INSR: variants seen among roughly 807,000 people sequenced by gnomAD.
INSR encodes the protein insulin receptor, also known as IR.
INSR carries 67 observed loss-of-function variants against 142.6 expected under a neutral mutation model. The observed-to-expected ratio is 0.47, with a 90% CI of 0.39 to 0.58. The LOEUF (loss-of-function observed/expected upper bound fraction) is 0.58. INSR is among the 20% of genes least tolerant of loss of function. The pLI is 0.00. For missense variants in INSR, 1,248 were observed against 1,833.2 expected (o/e 0.68, Z 5.83); for synonymous variants, 756 against 743.1 (o/e 1.02, Z -0.28).
At chr19:7,128,329 A>G (rs1298164746) in intron 15 of INSR, among the ~76,000 whole-genome samples, 2 of 151,598 alleles carry the variant, frequency 1.3e-5, no homozygotes. Context: ...CTCCTGCCTC[A>G]GCCTCCTGAG....
At chr19:7,215,783 G>A (rs1975414775) in intron 2 of INSR, among the ~76,000 whole-genome samples, 1 of 151,630 alleles carries the variant, frequency 6.6e-6, no homozygotes, top group African/African-American at 2.4e-5. Flanking sequence ...TGGCCTGGCT[G>A]GTCTCAAACT....
intron 2 of INSR, among the ~76,000 whole-genome samples, chr19:7,189,357 G>A (rs1435881094): frequency 6.6e-6 from 1 of 152,232 alleles, no homozygotes; most frequent in Admixed American, 6.5e-5. Flanking sequence ...CAGAGGCTGC[G>A]AGACTTTGCA....
At chr19:7,229,654 T>G (rs1355003169) in intron 2 of INSR, among the ~76,000 whole-genome samples, 1 of 152,200 alleles carries the variant, frequency 6.6e-6, no homozygotes, top group Non-Finnish European at 1.5e-5. Context: ...CCCTTTTTCT[T>G]TCTTGGAACT....
At position 7,117,216 on chromosome 19, in the gene INSR, T is replaced by C. The variant is rs1972356902; in HGVS notation, c.3989A>G (p.Asp1330Gly). Residue 1330 changes from aspartate (D) to glycine (G), a missense_variant, in exon 22 of 22, where the codon GAC becomes GGC. Asp to Gly is a moderately conservative substitution (Grantham distance 94, BLOSUM62 -1). Coordinates refer to ENST00000302850, the MANE Select transcript of INSR (RefSeq NM_000208.4). ...EFEDMENVPL[D>G]RSSHCQREEA... ...CTCCCTCTGACAGTGCGAGGAACGG[T>C]CCAGGGGCACATTCTCCATGTCCTC... 6.2e-7 allele frequency: 1 copy of C among 1,614,034 alleles called. No homozygotes were observed.
At chr19:7,156,782 C>CTTTTTTT (rs746400499) in intron 9 of INSR, among the ~76,000 whole-genome samples, 5 of 63,170 alleles carry the variant, frequency 7.9e-5, no homozygotes, top group Admixed American at 2.4e-4. Flanking sequence ...CTATTTCTCT[C>CTTTTTTT]TTTTTTTTTT....
intron 13 of INSR, among the ~76,000 whole-genome samples, chr19:7,136,188 A>C (rs1367337519): frequency 1.3e-5 from 2 of 151,664 alleles, no homozygotes; most frequent in Non-Finnish European, 2.9e-5. Flanking sequence ...TTTGGGGCTG[A>C]GTTTTGTGTT....
Position 7,128,935 on chromosome 19 carries a change from A to G in INSR, c.2862T>C (p.Ile954=). The G allele has an allele frequency of 6.2e-7, 1 of 1,613,182 alleles. No homozygotes were observed. Among genetic ancestry groups the G allele is most frequent in the Non-Finnish European group, 8.5e-7 (1 of 1,179,120 alleles). Residue 954 remains isoleucine, a synonymous_variant, in exon 15 of 22, where the codon ATT becomes ATC. Coordinates refer to ENST00000302850, the MANE Select transcript of INSR (RefSeq NM_000208.4). ...VTDYLDVPSN[I]AKIIIGPLIF... ...TGAGGGGGCCGATGATAATTTTTGC[A>G]ATATTTGACGGGACGTCTACTGAAA...
chr19:7,143,006 G>A lies in INSR; in HGVS notation c.2352C>T (p.Ser784=). Residue 784 remains serine (S), a synonymous_variant, in exon 12 of 22, where the codon TCC becomes TCT. Transcript: ENST00000302850. ...VPTVAAFPNT[S]STSVPTSPEE... Reference sequence around the variant, plus strand: ...CCGGACTCGTGGGCACGCTGGTCGAGGAAGTGTTGGGGAAAGCTGCCACCG... The same window carrying A: ...CCGGACTCGTGGGCACGCTGGTCGAAGAAGTGTTGGGGAAAGCTGCCACCG... 1 of 1,614,184 alleles carries A rather than the reference G, an allele frequency of 6.2e-7. No individual in the cohort carries two copies. Among genetic ancestry groups the A allele is most frequent in the African/African-American group, 1.3e-5 (1 of 75,056 alleles).
At chr19:7,249,875 C>T (rs1976656872) in intron 2 of INSR, among the ~76,000 whole-genome samples, 1 of 151,984 alleles carries the variant, frequency 6.6e-6, no homozygotes, top group Non-Finnish European at 1.5e-5. Flanking sequence ...GCCTGTAGTC[C>T]CAGCTACTCA....
At chr19:7,128,311 C>G (rs1240137227) in intron 15 of INSR, among the ~76,000 whole-genome samples, 1 of 151,110 alleles carries the variant, frequency 6.6e-6, no homozygotes, top group Non-Finnish European at 1.5e-5. Flanking sequence ...CACCAGGGTT[C>G]AGTAATTCTC....
chr19:7,207,819 T>C (rs565148100), intron 2 of INSR, among the ~76,000 whole-genome samples: 87 of 151,694 alleles, frequency 5.7e-4, no homozygotes, highest in Non-Finnish European at 1.1e-3. Flanking sequence ...CACAGGGGTT[T>C]GAGGCTGCAA....
chr19:7,258,300 G>A lies in INSR; in HGVS notation c.652+9045C>T, dbSNP rs141329012. On this transcript the variant is annotated intron_variant, in intron 2 of 21. Coordinates refer to ENST00000302850, the MANE Select transcript of INSR (RefSeq NM_000208.4). ...AAAAATAAAAAGAAATTAGCTGGGC[G>A]TGGTGGTGCCTGCCTGTGGTTCCAG... is the stretch of plus-strand genomic sequence containing the variant. Among the ~76,000 whole-genome samples the A allele has an allele frequency of 3.8e-3, 571 of 152,242 alleles. 4 individuals carry two copies. The highest frequency in any genetic ancestry group is 0.013 in the African/African-American group (549 of 41,550).
intron 2 of INSR, among the ~76,000 whole-genome samples, chr19:7,190,997 C>T (rs1214182939): frequency 6.6e-6 from 1 of 151,960 alleles, no homozygotes. Flanking sequence ...TATTATTTGT[C>T]AATTTTAAAA....
intron 9 of INSR, among the ~76,000 whole-genome samples, chr19:7,160,968 C>T (rs1024369400): frequency 5.4e-5 from 8 of 146,914 alleles, no homozygotes; most frequent in African/African-American, 2.0e-4. Flanking sequence ...TGCACTCCAG[C>T]CTGGGTGACG....
In INSR at chr19:7,248,358, T is replaced by C. The variant is rs192591942; in HGVS notation, c.652+18987A>G. Among the ~76,000 whole-genome samples, 669 of 148,050 alleles carry C rather than the reference T, an allele frequency of 4.5e-3. 7 individuals carry two copies. Among genetic ancestry groups the C allele is most frequent in the African/African-American group, 0.016 (636 of 40,578 alleles). Reference sequence around the variant, plus strand: ...AAAATTAGTCAGGCACGGTGGTTCATGCCTGTAGTGCCAGCTACTTGGGAG... The same window carrying C: ...AAAATTAGTCAGGCACGGTGGTTCACGCCTGTAGTGCCAGCTACTTGGGAG... On this transcript the variant is annotated intron_variant, in intron 2 of 21. Coordinates refer to ENST00000302850, the MANE Select transcript of INSR (RefSeq NM_000208.4).
Position 7,149,379 on chromosome 19 carries a change from G to A in INSR, c.2267+1118C>T, listed in dbSNP as rs1414715321. Reference sequence around the variant, plus strand: ...TGCTAAAGGAAGAAAATCTCTCCAAGTGGTCCCAACTTGCCTCTTTAGTCT... The same window carrying A: ...TGCTAAAGGAAGAAAATCTCTCCAAATGGTCCCAACTTGCCTCTTTAGTCT... On this transcript the variant is annotated intron_variant, in intron 11 of 21. Transcript: ENST00000302850. Among the ~76,000 whole-genome samples the A allele has an allele frequency of 3.3e-5, 5 of 152,320 alleles. No homozygotes were observed. In the East Asian group the frequency reaches 7.7e-4, roughly 23 times the overall value.
intron 11 of INSR, among the ~76,000 whole-genome samples, chr19:7,149,998 A>C (rs1973293603): frequency 6.8e-6 from 1 of 147,492 alleles, no homozygotes; most frequent in African/African-American, 2.5e-5. Flanking sequence ...GAGATCCCTG[A>C]CTCTCCTCCG....
chr19:7,274,536 C>T (rs1055707716), intron 1 of INSR, among the ~76,000 whole-genome samples: 2 of 151,828 alleles, frequency 1.3e-5, no homozygotes, highest in Non-Finnish European at 2.9e-5. Context: ...CGTGGTGGCT[C>T]ACGCCTGTAA....
intron 9 of INSR, among the ~76,000 whole-genome samples, chr19:7,158,866 T>C (rs570890973): frequency 2.2e-4 from 33 of 152,148 alleles, no homozygotes; most frequent in Non-Finnish European, 4.4e-4. Context: ...TGTGGAAAAA[T>C]AAGCATCACA....
Sources: gnomAD v4.1 joint callset for allele counts (sites outside exome capture counted in the v4.1 genomes callset) on GRCh38, gnomAD v4.1.1 for gene constraint, MANE v1.5 for transcripts, NCBI Gene and HGNC (gene_info 2026-07-23, HGNC 2026-07-21) for gene names.